Variants in COL27A1 observed in about 807,000 individuals in gnomAD.
COL27A1 encodes collagen alpha-1(XXVII) chain.
In COL27A1, 106 loss-of-function variants were observed where a neutral mutation model predicts 251.3. The observed-to-expected ratio is 0.42, with a 90% CI of 0.36 to 0.50. The LOEUF (loss-of-function observed/expected upper bound fraction) is 0.50, where lower values mean the gene tolerates loss of function less well. Among genes scored for constraint, COL27A1 ranks in the 20% least tolerant of loss-of-function variants. The probability of loss-of-function intolerance (pLI) is 0.00; values close to 1 mark genes in which losing one functional copy is unlikely to be tolerated. For synonymous variants in COL27A1, 1,000 were observed against 986.3 expected (o/e 1.01, Z -0.26); for missense variants, 2,325 against 2,522.8 (o/e 0.92, Z 1.68).
chr9:114,162,911 T>C, intron 2 of COL27A1, 126 bp downstream of exon 2: 1 of 660,526 alleles, frequency 1.5e-6, no homozygotes, highest in Non-Finnish European at 2.7e-6. Flanking sequence ...ATCAGTAGAA[T>C]GGAGATGATA....
At chr9:114,203,515 G>A (rs1472221785) in intron 7 of COL27A1, among the ~76,000 whole-genome samples, 2 of 152,074 alleles carry the variant, frequency 1.3e-5, no homozygotes, top group Non-Finnish European at 2.9e-5. Context: ...TGTATGCCCC[G>A]GTTTGCCCAC....
At chr9:114,196,863 T>A (rs915586182) in intron 7 of COL27A1, among the ~76,000 whole-genome samples, 1 of 152,118 alleles carries the variant, frequency 6.6e-6, no homozygotes, top group African/African-American at 2.4e-5. Flanking sequence ...TTCAAGACTC[T>A]ACTCTAGTTG....
intron 3 of COL27A1, among the ~76,000 whole-genome samples, chr9:114,170,216 G>T (rs749367082): frequency 2.6e-5 from 4 of 152,218 alleles, no homozygotes; most frequent in Admixed American, 6.5e-5. Flanking sequence ...CCCGGTAGGA[G>T]TTTGGGGTGC....
chr9:114,275,070 T>C lies in COL27A1; in HGVS notation c.3610-591T>C, dbSNP rs563620775. On this transcript the variant is annotated intron_variant, in intron 36 of 60. Coordinates refer to ENST00000356083, the MANE Select transcript of COL27A1 (RefSeq NM_032888.4). ...CTCCAACTGCTGGGCTCAAGCTCTCTTGTAGCAAGACCCCATTTCTACAAA... is the reference window on the plus strand; with the variant it reads ...CTCCAACTGCTGGGCTCAAGCTCTCCTGTAGCAAGACCCCATTTCTACAAA... 6.0e-3 allele frequency among the ~76,000 whole-genome samples: 848 copies of C among 141,172 alleles called. 5 individuals carry two copies. Among genetic ancestry groups the C allele is most frequent in the Non-Finnish European group, 7.9e-3 (513 of 64,634 alleles). 92.6% of individuals were successfully genotyped at this position (141,172 alleles called of 152,430 possible). A position where few individuals can be genotyped will look rare whatever the true frequency, so the allele number is the denominator to read the frequency against.
At chr9:114,186,990 C>T (rs1297062498) in intron 5 of COL27A1, among the ~76,000 whole-genome samples, 1 of 152,222 alleles carries the variant, frequency 6.6e-6, no homozygotes, top group Non-Finnish European at 1.5e-5. Flanking sequence ...CTCCTGGTTC[C>T]ACTCTTGAGC....
chr9:114,186,040 C>G (rs1377134263), intron 5 of COL27A1, among the ~76,000 whole-genome samples: 1 of 152,210 alleles, frequency 6.6e-6, no homozygotes, highest in Non-Finnish European at 1.5e-5. Context: ...TAGATCACGG[C>G]TGGGCAGTGG....
intron 14 of COL27A1, 56 bp downstream of exon 14, chr9:114,222,323 G>T: frequency 6.5e-7 from 1 of 1,529,172 alleles, no homozygotes; most frequent in South Asian, 1.1e-5. Flanking sequence ...TCAGGGTGGA[G>T]CCAGCGTGTG....
intron 12 of COL27A1, chr9:114,218,169 G>A (rs1276951472): frequency 4.5e-6 from 1 of 221,316 alleles, no homozygotes; most frequent in Non-Finnish European, 9.1e-6. Flanking sequence ...CCCAGGAGGT[G>A]AGACGATCTA....
intron 49 of COL27A1, among the ~76,000 whole-genome samples, chr9:114,296,305 T>C (rs575412373): frequency 6.6e-6 from 1 of 152,316 alleles, no homozygotes; most frequent in South Asian, 2.1e-4. Context: ...AAATCATGTA[T>C]CTGATTAAGG....
chr9:114,192,923 T>A (rs890476539), intron 5 of COL27A1, among the ~76,000 whole-genome samples: 1 of 152,162 alleles, frequency 6.6e-6, no homozygotes, highest in Admixed American at 6.5e-5. Flanking sequence ...TAATTAAAGT[T>A]GCCCAAACCA....
intron 5 of COL27A1, among the ~76,000 whole-genome samples, chr9:114,185,327 T>C (rs1166071223): frequency 1.3e-5 from 2 of 152,178 alleles, no homozygotes; most frequent in Non-Finnish European, 2.9e-5. Flanking sequence ...GCTTCTCTCA[T>C]TGGGACTTGC....
At position 114,278,644 on chromosome 9, in the gene COL27A1, G is replaced by A. The variant is rs976744847; in HGVS notation, c.3717+2876G>A. Among the ~76,000 whole-genome samples the A allele has an allele frequency of 8.6e-5, 13 of 150,976 alleles. No homozygotes were observed. In the South Asian group the frequency reaches 2.7e-3, roughly 32 times the overall value. Reference sequence around the variant, plus strand: ...GTGGTATGGCGTAGGTAGTGGTGATGATGATGGTGATGATGATGATAGTAG... The same window carrying A: ...GTGGTATGGCGTAGGTAGTGGTGATAATGATGGTGATGATGATGATAGTAG... On this transcript the variant is annotated intron_variant, in intron 37 of 60. Coordinates refer to ENST00000356083, the MANE Select transcript of COL27A1 (RefSeq NM_032888.4).
chr9:114,235,772 C>A, intron 17 of COL27A1, 120 bp downstream of exon 17: 1 of 759,042 alleles, frequency 1.3e-6, no homozygotes, highest in South Asian at 1.4e-5. Flanking sequence ...CGGCTGCCCT[C>A]GAAATAATCC....
intron 45 of COL27A1, 68 bp from the exon 46 acceptor site, chr9:114,289,990 C>T: frequency 1.3e-6 from 2 of 1,549,394 alleles, no homozygotes; most frequent in South Asian, 2.2e-5. Flanking sequence ...TCAGTCCCTC[C>T]TTCCAGAGCC....
chr9:114,291,706 A>G (rs1827929856), intron 48 of COL27A1, among the ~76,000 whole-genome samples: 1 of 152,130 alleles, frequency 6.6e-6, no homozygotes, highest in Admixed American at 6.5e-5. Flanking sequence ...TTGAGATCGC[A>G]CCACTGCACT....
intron 19 of COL27A1, among the ~76,000 whole-genome samples, chr9:114,238,305 T>C (rs1832531650): frequency 6.6e-6 from 1 of 152,232 alleles, no homozygotes; most frequent in South Asian, 2.1e-4. Context: ...GGAATTCACA[T>C]GTAATGTTGC....
Position 114,183,006 on chromosome 9 carries a change from T to C in COL27A1, c.1963-16T>C, listed in dbSNP as rs1315306837. On this transcript the variant is annotated splice_polypyrimidine_tract_variant and intron_variant, in intron 4 of 60. Transcript: ENST00000356083. ...TTTTGTCACCTTTTTTTGTTTTTGT[T>C]CCTTGTCTCTTTCAGGGTCCTCCTG... is the stretch of plus-strand genomic sequence containing the variant. 3 of 1,613,086 alleles carry C rather than the reference T, an allele frequency of 1.9e-6. No homozygotes were observed. Among genetic ancestry groups the C allele is most frequent in the Non-Finnish European group, 1.7e-6 (2 of 1,179,634 alleles).
At chr9:114,194,371 T>A in intron 5 of COL27A1, 33 bp from the exon 6 acceptor site, 1 of 1,611,782 alleles carries the variant, frequency 6.2e-7, no homozygotes, top group Non-Finnish European at 8.5e-7. Context: ...TCTAGATGAC[T>A]TGGTGGCCAA....
intron 7 of COL27A1, among the ~76,000 whole-genome samples, chr9:114,199,710 A>G (rs1425360762): frequency 6.6e-6 from 1 of 152,150 alleles, no homozygotes; most frequent in East Asian, 1.9e-4. Context: ...CTAGTGGGCA[A>G]CCCACTAGTG....
Sources: gnomAD v4.1 joint callset for allele counts (sites outside exome capture counted in the v4.1 genomes callset) on GRCh38, gnomAD v4.1.1 for gene constraint, MANE v1.5 for transcripts, NCBI Gene and HGNC (gene_info 2026-07-23, HGNC 2026-07-21) for gene names.